AHNAK2: variants seen among roughly 807,000 people sequenced by gnomAD.
AHNAK2 encodes the protein protein AHNAK2.
A neutral mutation model predicts 30.7 loss-of-function variants in AHNAK2; 18 were observed. The ratio of observed to expected loss-of-function variants is 0.59; its 90% CI spans 0.41 to 0.87. The LOEUF (loss-of-function observed/expected upper bound fraction) is 0.87. Among genes scored for constraint, AHNAK2 ranks in the 40% least tolerant of loss-of-function variants. AHNAK2 has a pLI of 0.00. For missense variants in AHNAK2, 8,604 were observed against 7,373.0 expected (o/e 1.17, Z -6.11); for synonymous variants, 3,590 against 3,073.8 (o/e 1.17, Z -5.56).
At position 104,949,820 on chromosome 14, in the gene AHNAK2, A is replaced by C; in HGVS notation, c.5631T>G (p.Ser1877=). The C allele has an allele frequency of 2.5e-6, 4 of 1,583,658 alleles. No homozygotes were observed. The highest frequency in any genetic ancestry group is 3.4e-6 in the Non-Finnish European group (4 of 1,161,680). The change falls in exon 7 of 7, where the codon TCT becomes TCG. Residue 1877 remains serine (S), a synonymous_variant. Transcript: ENST00000333244. ...GGCCAGCCTGGACCACCAGGTCTGC[A>C]GAAGGGAGCGGAATGCAGAGGTCCG... ...KTTDLCIPLP[S]ADLVVQAGQV...
In AHNAK2 at chr14:104,945,283, G is replaced by A. The variant is rs375656244; in HGVS notation, c.10168C>T (p.His3390Tyr). The change falls in exon 7 of 7, where the codon CAC becomes TAC. Residue 3390 changes from histidine to tyrosine, a missense_variant. By Grantham distance (83) the His-to-Tyr change is moderately conservative. Transcript: ENST00000333244. ...HVPEGAGLKGHLPKVEMPSFK... is the reference protein window; with the variant it reads ...HVPEGAGLKGYLPKVEMPSFK... ...CTGGGCATCTCCACCTTGGGCAGGT[G>A]CCCTTTGAGGCCAGCTCCCTCGGGC... is the stretch of plus-strand genomic sequence containing the variant. 18 of 1,612,890 alleles carry A rather than the reference G, an allele frequency of 1.1e-5. No individual in the cohort carries two copies. The Admixed American group carries it at 1.3e-4, about 12-fold the overall frequency.
At position 104,946,869 on chromosome 14, in the gene AHNAK2, A is replaced by T; in HGVS notation, c.8582T>A (p.Ile2861Asn). ...SMQGDLKTTD[I>N]RIQPPSAQLE... ...TTGGGCGGAGGGGGGCTGAATGCGGATGTCAGTGGTCTTAAGATCCCCTTG... is the reference window on the plus strand; with the variant it reads ...TTGGGCGGAGGGGGGCTGAATGCGGTTGTCAGTGGTCTTAAGATCCCCTTG... Residue 2861 changes from isoleucine to asparagine, a missense_variant, in exon 7 of 7, where the codon ATC becomes AAC. By Grantham distance (149) the Ile-to-Asn change is moderately radical (BLOSUM62 -3). Transcript: ENST00000333244. 1.9e-6 allele frequency: 3 copies of T among 1,612,180 alleles called. No individual in the cohort carries two copies. The highest frequency in any genetic ancestry group is 2.5e-6 in the Non-Finnish European group (3 of 1,179,610).
In AHNAK2 at chr14:104,954,132, G is replaced by A. The variant is rs775145788; in HGVS notation, c.1319C>T (p.Ala440Val). The change falls in exon 7 of 7, where the codon GCC (alanine) becomes GTC (valine). Residue 440 changes from alanine (A) to valine (V), a missense_variant. Coordinates refer to ENST00000333244, the MANE Select transcript of AHNAK2 (RefSeq NM_138420.4). The surrounding 1 kb of genome is among the most constrained non-coding windows in gnomAD (Gnocchi z 4.3). ...ETAVAQRKPR[A>V]QPTPGMSREG... ...CCGGCTCATTCCAGGAGTTGGCTGG[G>A]CCCTGGGCTTCCTCTGGGCCACTGC... 3 of 1,611,382 alleles carry A rather than the reference G, an allele frequency of 1.9e-6. No homozygotes were observed. Among genetic ancestry groups the A allele is most frequent in the Non-Finnish European group, 1.7e-6 (2 of 1,179,858 alleles).
chr14:104,940,449 A>C lies in AHNAK2; in HGVS notation c.15002T>G (p.Ile5001Ser), dbSNP rs566559031. The C allele has an allele frequency of 1.4e-5, 22 of 1,613,836 alleles. 1 individual carries two copies. The African/African-American group carries it at 2.1e-4, about 16-fold the overall frequency. ...DKDEVAPQSA[I>S]HMDLPPERDG... ...CCTCTCAGGAGGCAGATCCATGTGG[A>C]TGGCAGACTGCGGGGCCACTTCATC... Residue 5001 changes from isoleucine to serine, a missense_variant, in exon 7 of 7, where the codon ATC becomes AGC. Physicochemically the swap from Ile to Ser is moderately radical, Grantham distance 142. Transcript: ENST00000333244. The surrounding 1 kb of genome is among the most constrained non-coding windows in gnomAD (Gnocchi z 4.4).
chr14:104,948,409 C>T lies in AHNAK2; in HGVS notation c.7042G>A (p.Val2348Met), dbSNP rs1224121720. ...GAGGGGAGGCTCACGTCGGCCTCCA[C>T]CTTCAACGCAGACACATCCGCTGAG... ...EASADVSALK[V>M]EADVSLPSMQ... Residue 2348 changes from valine (V) to methionine (M), a missense_variant, in exon 7 of 7, where the codon GTG (valine) becomes ATG (methionine). Coordinates refer to ENST00000333244, the MANE Select transcript of AHNAK2 (RefSeq NM_138420.4). The T allele has an allele frequency of 2.5e-6, 4 of 1,612,418 alleles. No homozygotes were observed. The highest frequency in any genetic ancestry group is 1.7e-5 in the Admixed American group (1 of 59,914).
At position 104,941,374 on chromosome 14, in the gene AHNAK2, CT is replaced by C; in HGVS notation, c.14076del (p.Val4693LeufsTer29). 3 of 1,613,476 alleles carry C rather than the reference CT, an allele frequency of 1.9e-6. No individual in the cohort carries two copies. Among genetic ancestry groups the C allele is most frequent in the Non-Finnish European group, 2.5e-6 (3 of 1,179,896 alleles). On this transcript the variant is annotated frameshift_variant, in exon 7 of 7. Coordinates refer to ENST00000333244, the MANE Select transcript of AHNAK2 (RefSeq NM_138420.4). LOFTEE classifies it low-confidence loss of function (END_TRUNC). Reference sequence around the variant, plus strand: ...TTCTTAAACTTCGAATCCATTCCAACTTCTCCAACAGCAAGCCCCAAGTTAC... The same window carrying C: ...TTCTTAAACTTCGAATCCATTCCAACTCTCCAACAGCAAGCCCCAAGTTAC... ...RDGNLGLAVGEVGMDSKFKKL... is the reference protein window; with the variant it reads ...RDGNLGLAVGXVGMDSKFKKL...
chr14:104,957,410 C>T lies in AHNAK2; in HGVS notation c.213G>A (p.Gln71=). ...YTTEAADFGL[Q]EDAPGRQGSA... is the part of the protein sequence containing the mutation. ...GTGGGGCTCTGCCCAGCAGGCTCAC[C>T]TGGAGTCCAAAGTCGGCAGCCTCAG... The change falls in exon 3 of 7, where the codon CAG becomes CAA. Residue 71 remains glutamine, a splice_region_variant and synonymous_variant. Transcript: ENST00000333244. The T allele has an allele frequency of 1.3e-6, 2 of 1,583,292 alleles. No individual in the cohort carries two copies. Among genetic ancestry groups the T allele is most frequent in the Non-Finnish European group, 1.7e-6 (2 of 1,158,658 alleles).
chr14:104,951,780 G>A lies in AHNAK2; in HGVS notation c.3671C>T (p.Ala1224Val). 7.5e-7 allele frequency: 1 copy of A among 1,336,356 alleles called. No homozygotes were observed. Among genetic ancestry groups the A allele is most frequent in the Non-Finnish European group, 1.1e-6 (1 of 943,812 alleles). 82.8% of individuals were successfully genotyped at this position (1,336,356 alleles called of 1,614,324 possible). A position where few individuals can be genotyped will look rare whatever the true frequency, so the allele number is the denominator to read the frequency against. Residue 1224 changes from alanine to valine, a missense_variant, in exon 7 of 7, where the codon GCT becomes GTT. Coordinates refer to ENST00000333244, the MANE Select transcript of AHNAK2 (RefSeq NM_138420.4). Reference protein sequence around the residue: ...QPPSADLEVHAGQVDVKLLEG... With the variant: ...QPPSADLEVHVGQVDVKLLEG... ...CAGGAGCTTCACGTCCACCTGGCCA[G>A]CGTGGACCTCCAGGTCAGCGGAAGG...
Position 104,978,278 on chromosome 14 carries a change from C to A in AHNAK2, c.-41G>T. On this transcript the variant is annotated 5_prime_UTR_variant, in exon 1 of 7. Transcript: ENST00000333244. ...GTGCGGGCCTGGCGGCCCGTCGCGTCCAGTCGCTGGTCCCGGCTCCGGCGC... is the reference window on the plus strand; with the variant it reads ...GTGCGGGCCTGGCGGCCCGTCGCGTACAGTCGCTGGTCCCGGCTCCGGCGC... 8.7e-7 allele frequency: 1 copy of A among 1,148,754 alleles called. No homozygotes were observed. The highest frequency in any genetic ancestry group is 1.1e-6 in the Non-Finnish European group (1 of 932,684). The allele number at this position is 1,148,754 out of a possible 1,614,324, so 71.2% of individuals were successfully genotyped here.
Position 104,938,141 on chromosome 14 carries a change from T to C in AHNAK2, c.17310A>G (p.Thr5770=). The change falls in exon 7 of 7, where the codon ACA becomes ACG. Residue 5770 remains threonine, a synonymous_variant. Transcript: ENST00000333244. ...SRVMVTSAAR[T]ELILPEQDRK... ...TGTCCTGCTCGGGCAGGATTAACTC[T>C]GTTCTTGCCGCGGATGTCACCATCA... 6.2e-7 allele frequency: 1 copy of C among 1,614,026 alleles called. No individual in the cohort carries two copies. The highest frequency in any genetic ancestry group is 8.5e-7 in the Non-Finnish European group (1 of 1,179,902).
At position 104,952,969 on chromosome 14, in the gene AHNAK2, C is replaced by A; in HGVS notation, c.2482G>T (p.Ala828Ser). 6.2e-7 allele frequency: 1 copy of A among 1,611,604 alleles called. No homozygotes were observed. Among genetic ancestry groups the A allele is most frequent in the South Asian group, 1.1e-5 (1 of 90,956 alleles). ...DLSLADKEVT[A>S]KDSKFKMPKF... Reference sequence around the variant, plus strand: ...GGCATTTTGAACTTGCTGTCTTTGGCAGTCACCTCCTTGTCGGCCAGGGAC... The same window carrying A: ...GGCATTTTGAACTTGCTGTCTTTGGAAGTCACCTCCTTGTCGGCCAGGGAC... The change falls in exon 7 of 7, where the codon GCC becomes TCC. Residue 828 changes from alanine (A) to serine (S), a missense_variant. Coordinates refer to ENST00000333244, the MANE Select transcript of AHNAK2 (RefSeq NM_138420.4).
At position 104,942,339 on chromosome 14, in the gene AHNAK2, A is replaced by G. The variant is rs1159932106; in HGVS notation, c.13112T>C (p.Val4371Ala). Residue 4371 changes from valine (V) to alanine (A), a missense_variant, in exon 7 of 7, where the codon GTG becomes GCG. By Grantham distance (64) the Val-to-Ala change is moderately conservative. Transcript: ENST00000333244. ...CCCTTTGAGGCCGGCTCCCTCATGC[A>G]CAGGGCCCTCTGGGAGTTTCACATC... ...QEDVKLPEGPVHEGAGLKGHL... is the reference protein window; with the variant it reads ...QEDVKLPEGPAHEGAGLKGHL... 1 of 1,612,912 alleles carries G rather than the reference A, an allele frequency of 6.2e-7. No individual in the cohort carries two copies.
In AHNAK2 at chr14:104,952,906, C is replaced by T; in HGVS notation, c.2545G>A (p.Gly849Ser). The change falls in exon 7 of 7, where the codon GGC becomes AGC. Residue 849 changes from glycine to serine, a missense_variant. Coordinates refer to ENST00000333244, the MANE Select transcript of AHNAK2 (RefSeq NM_138420.4). ...KMPSFGVSAP[G>S]KSMEDSVDVS... is the part of the protein sequence containing the mutation. ...TCCACCGAGTCCTCCATGGACTTGCCTGGGGCCGACACCCCGAATGATGGC... is the reference window on the plus strand; with the variant it reads ...TCCACCGAGTCCTCCATGGACTTGCTTGGGGCCGACACCCCGAATGATGGC... The T allele has an allele frequency of 6.2e-7, 1 of 1,612,188 alleles. No individual in the cohort carries two copies. Among genetic ancestry groups the T allele is most frequent in the Non-Finnish European group, 8.5e-7 (1 of 1,179,464 alleles).
chr14:104,977,066 G>A (rs1262009047), intron 1 of AHNAK2, among the ~76,000 whole-genome samples: 2 of 152,088 alleles, frequency 1.3e-5, no homozygotes, highest in Non-Finnish European at 2.9e-5. Flanking sequence ...CCCTAAGTGC[G>A]CACCAGACAG....
rs2013454 is a variant in AHNAK2, at chr14:104,950,717, T to C, written c.4734A>G (p.Lys1578=). ...GCATCTTGAAACTGGGCATCTGCAC[T>C]TTGGGCAGGTGCCCTTTGAGGCCGG... ...EGAGLKGHLP[K]VQMPSFKMPK... is the part of the protein sequence containing the mutation. The change falls in exon 7 of 7, where the codon AAA becomes AAG. Residue 1578 remains lysine, a synonymous_variant. Transcript: ENST00000333244. 2.2e-3 allele frequency: 3,552 copies of C among 1,581,322 alleles called. 293 individuals are homozygous for C. In the African/African-American group the frequency reaches 0.033, roughly 15 times the overall value.
intron 1 of AHNAK2, among the ~76,000 whole-genome samples, chr14:104,971,925 G>A (rs1207115563): frequency 1.3e-5 from 2 of 152,276 alleles, no homozygotes; most frequent in Non-Finnish European, 2.9e-5. Flanking sequence ...AGCCTGGGAG[G>A]TCAGCGATGG....
At chr14:104,967,194 G>C (rs1249176888) in intron 1 of AHNAK2, among the ~76,000 whole-genome samples, 1 of 152,182 alleles carries the variant, frequency 6.6e-6, no homozygotes, top group African/African-American at 2.4e-5. Flanking sequence ...CCGCCTCCCC[G>C]TCCCTCCGCA....
chr14:104,945,878 G>A lies in AHNAK2; in HGVS notation c.9573C>T (p.Ile3191=), dbSNP rs1278462865. 7.7e-7 allele frequency: 1 copy of A among 1,293,990 alleles called. No individual in the cohort carries two copies. Among genetic ancestry groups the A allele is most frequent in the Non-Finnish European group, 1.1e-6 (1 of 922,224 alleles). The allele number at this position is 1,293,990 out of a possible 1,614,324, so 80.2% of individuals were successfully genotyped here. Residue 3191 remains isoleucine, a synonymous_variant, in exon 7 of 7, where the codon ATC becomes ATT. Coordinates refer to ENST00000333244, the MANE Select transcript of AHNAK2 (RefSeq NM_138420.4). ...SMQGDLKNTD[I]SIEPPSAQLE... is the part of the protein sequence containing the mutation. Reference sequence around the variant, plus strand: ...GTTGGGCAGAGGGGGGCTCAATGCTGATGTCAGTGTTCTTCAGGTCCCCCT... The same window carrying A: ...GTTGGGCAGAGGGGGGCTCAATGCTAATGTCAGTGTTCTTCAGGTCCCCCT...
At chr14:104,957,384 T>C (rs773365174) in intron 3 of AHNAK2, 26 bp downstream of exon 3, 11 of 1,553,434 alleles carry the variant, frequency 7.1e-6, no homozygotes, top group Non-Finnish European at 9.6e-6. Flanking sequence ...CCTGGGTGCC[T>C]GTGGGGCTCT....
Sources: allele counts gnomAD v4.1 joint callset (sites outside exome capture counted in the v4.1 genomes callset), GRCh38; gene constraint gnomAD v4.1.1; non-coding constraint Gnocchi (gnomAD v3.1); transcripts MANE v1.5; gene names NCBI Gene and HGNC (gene_info 2026-07-23, HGNC 2026-07-21).